Variants in FRMD4A observed in about 807,000 individuals in gnomAD.
The protein encoded by FRMD4A is FERM domain-containing protein 4A.
FRMD4A carries 29 observed loss-of-function variants against 129.1 expected under a neutral mutation model. That is an observed-to-expected ratio of 0.22 (90% confidence interval 0.17 to 0.31). FRMD4A has a LOEUF of 0.31. FRMD4A is among the 10% of genes least tolerant of loss of function. The probability of loss-of-function intolerance (pLI) is 1.00; values close to 1 mark genes in which losing one functional copy is unlikely to be tolerated. For missense variants in FRMD4A, 1,272 were observed against 1,375.8 expected, an observed-to-expected ratio of 0.92 and a Z score of 1.19; for synonymous variants, 634 against 571.6, an observed-to-expected ratio of 1.11 and a Z score of -1.56.
intron 4 of FRMD4A, among the ~76,000 whole-genome samples, chr10:13,802,003 CAAA>C (rs11426622): frequency 0.078 from 8,546 of 109,468 alleles, 263 homozygotes; most frequent in African/African-American, 0.12. Context: ...AATAATAATG[CAAA>C]AAAAAAAAAA....
chr10:13,822,299 C>A (rs77590404), intron 3 of FRMD4A, among the ~76,000 whole-genome samples: 1 of 152,190 alleles, frequency 6.6e-6, no homozygotes, highest in African/African-American at 2.4e-5. Context: ...TACAATAGAT[C>A]TCCTAAACAA....
chr10:13,685,752 G>A, intron 15 of FRMD4A: 1 of 372,612 alleles, frequency 2.7e-6, no homozygotes, highest in South Asian at 1.1e-4. Flanking sequence ...AGGCTGGAGT[G>A]AGCTAGCATT....
chr10:14,287,647 T>C (rs1845723693), intron 2 of FRMD4A, among the ~76,000 whole-genome samples: 1 of 152,170 alleles, frequency 6.6e-6, no homozygotes, highest in African/African-American at 2.4e-5. Flanking sequence ...GTTTCTATTG[T>C]AAAAATATTT....
In FRMD4A at chr10:14,281,376, A is replaced by G. The variant is rs933090861; in HGVS notation, c.45+48682T>C. ...AAAGACACAGGGAAGACAGCCATCA[A>G]TTGGGTTGGTGCAAAAGTAATTGCT... On this transcript the variant is annotated intron_variant, in intron 2 of 24. Coordinates refer to ENST00000357447, the MANE Select transcript of FRMD4A (RefSeq NM_018027.5). 1.4e-4 allele frequency among the ~76,000 whole-genome samples: 21 copies of G among 152,366 alleles called. No homozygotes were observed. In the South Asian group the frequency reaches 4.3e-3, roughly 32 times the overall value.
chr10:13,947,832 T>G lies in FRMD4A; in HGVS notation c.46-88920A>C, dbSNP rs2095343171. Among the ~76,000 whole-genome samples the G allele has an allele frequency of 3.3e-5, 5 of 151,998 alleles. No individual in the cohort carries two copies. The South Asian group carries it at 1.0e-3, about 32-fold the overall frequency. On this transcript the variant is annotated intron_variant, in intron 2 of 24. Transcript: ENST00000357447. Reference sequence around the variant, plus strand: ...CCATGTCATCCAGAGTCAAGAAGAGTAACTCTGTCCTGTCCTTTTCAAATA... The same window carrying G: ...CCATGTCATCCAGAGTCAAGAAGAGGAACTCTGTCCTGTCCTTTTCAAATA...
intron 2 of FRMD4A, among the ~76,000 whole-genome samples, chr10:14,166,175 T>C (rs1195160429): frequency 1.3e-5 from 2 of 150,468 alleles, no homozygotes; most frequent in Admixed American, 6.7e-5. Context: ...ATAAATAATA[T>C]ATTAACATGT....
chr10:13,918,092 C>T (rs963924029), intron 2 of FRMD4A, among the ~76,000 whole-genome samples: 1 of 152,240 alleles, frequency 6.6e-6, no homozygotes, highest in African/African-American at 2.4e-5. Flanking sequence ...TCTTCCCCAG[C>T]ACTGAGATTT....
chr10:13,821,137 G>C lies in FRMD4A; in HGVS notation c.112-10229C>G, dbSNP rs923062683. ...ATTCCCGGGGAGGGGAAGCTGCTGC[G>C]GGGGGTGCATGAGGTGACTCTGTGC... On this transcript the variant is annotated intron_variant, in intron 3 of 24. Coordinates refer to ENST00000357447, the MANE Select transcript of FRMD4A (RefSeq NM_018027.5). The surrounding 1 kb of genome is among the most constrained non-coding windows in gnomAD (Gnocchi z 4.3). Among the ~76,000 whole-genome samples the C allele has an allele frequency of 4.6e-5, 7 of 152,092 alleles. No individual in the cohort carries two copies. The highest frequency in any genetic ancestry group is 3.3e-4 in the Admixed American group (5 of 15,278).
intron 2 of FRMD4A, among the ~76,000 whole-genome samples, chr10:13,897,710 G>C (rs903371016): frequency 2.0e-5 from 3 of 151,042 alleles, no homozygotes; most frequent in Non-Finnish European, 4.4e-5. Context: ...GCCAAGCAGG[G>C]TGGATCACCT....
intron 2 of FRMD4A, among the ~76,000 whole-genome samples, chr10:14,160,078 T>C (rs1285207209): frequency 6.6e-6 from 1 of 152,086 alleles, no homozygotes; most frequent in Admixed American, 6.6e-5. Context: ...AATGCTATAA[T>C]GATCTAAACA....
At chr10:14,298,013 G>T (rs1431230304) in intron 2 of FRMD4A, among the ~76,000 whole-genome samples, 1 of 152,166 alleles carries the variant, frequency 6.6e-6, no homozygotes, top group African/African-American at 2.4e-5. Flanking sequence ...AGCATGACCT[G>T]AGGGCCAAAT....
At chr10:13,890,717 C>G in intron 2 of FRMD4A, 1 of 985,312 alleles carries the variant, frequency 1.0e-6, no homozygotes, top group Non-Finnish European at 1.2e-6. Flanking sequence ...GAGCCAGAGC[C>G]GCATCCATTC....
intron 2 of FRMD4A, among the ~76,000 whole-genome samples, chr10:14,213,420 C>A (rs939664858): frequency 6.6e-6 from 1 of 152,124 alleles, no homozygotes; most frequent in Non-Finnish European, 1.5e-5. Context: ...CTGCTATTAT[C>A]TTTGAGCTCA....
intron 2 of FRMD4A, among the ~76,000 whole-genome samples, chr10:13,895,968 G>A (rs1280807620): frequency 1.3e-5 from 2 of 152,210 alleles, no homozygotes; most frequent in African/African-American, 4.8e-5. Context: ...ACCACAATGA[G>A]ATGCCATCTC....
intron 2 of FRMD4A, among the ~76,000 whole-genome samples, chr10:14,206,473 A>G (rs1206341280): frequency 6.6e-6 from 1 of 152,070 alleles, no homozygotes; most frequent in African/African-American, 2.4e-5. Flanking sequence ...TTATTTGTAG[A>G]CACAAATGTT....
intron 3 of FRMD4A, among the ~76,000 whole-genome samples, chr10:13,813,723 G>A (rs2093488549): frequency 6.6e-6 from 1 of 152,184 alleles, no homozygotes; most frequent in African/African-American, 2.4e-5. Flanking sequence ...ACTATCAGTT[G>A]TTTACTCTTG....
intron 2 of FRMD4A, among the ~76,000 whole-genome samples, chr10:14,198,955 A>G (rs1445727450): frequency 6.6e-6 from 1 of 152,212 alleles, no homozygotes; most frequent in East Asian, 1.9e-4. Context: ...AGGGCTTGTC[A>G]TTCATCTTTA....
intron 2 of FRMD4A, among the ~76,000 whole-genome samples, chr10:14,025,719 A>T (rs1480198998): frequency 6.6e-6 from 1 of 152,160 alleles, no homozygotes. Context: ...GGCCATCATC[A>T]TTCTACTTAG....
intron 15 of FRMD4A, among the ~76,000 whole-genome samples, chr10:13,689,796 C>T (rs542464263): frequency 6.6e-6 from 1 of 151,956 alleles, no homozygotes; most frequent in African/African-American, 2.4e-5. Context: ...CTCCTGGCTT[C>T]AAGTGATCCT....
Sources: allele counts gnomAD v4.1 joint callset (sites outside exome capture counted in the v4.1 genomes callset), GRCh38; gene constraint gnomAD v4.1.1; non-coding constraint Gnocchi (gnomAD v3.1); transcripts MANE v1.5; gene names NCBI Gene and HGNC (gene_info 2026-07-23, HGNC 2026-07-21).